PPARGC1A: variants seen among roughly 807,000 people sequenced by gnomAD.
PPARGC1A encodes peroxisome proliferator-activated receptor gamma coactivator 1-alpha.
PPARGC1A carries 25 observed loss-of-function variants against 88.7 expected under a neutral mutation model. The observed-to-expected ratio is 0.28, with a 90% confidence interval of 0.21 to 0.39. The LOEUF (loss-of-function observed/expected upper bound fraction) is 0.39, where lower values mean the gene tolerates loss of function less well. PPARGC1A is among the 10% of genes least tolerant of loss of function. PPARGC1A has a pLI of 1.00. For synonymous variants in PPARGC1A, 363 were observed against 355.6 expected, an observed-to-expected ratio of 1.02 and a Z score of -0.24; for missense variants, 880 against 968.7, an observed-to-expected ratio of 0.91 and a Z score of 1.22.
At chr4:24,140,088 C>T in the PPARGC1A span, among the ~76,000 whole-genome samples, 1 of 152,118 alleles carries the variant, frequency 6.6e-6, no homozygotes, top group Non-Finnish European at 1.5e-5. Flanking sequence ...GAGGGTTGCT[C>T]GGTCGAGAGC....
At chr4:23,897,228 TAAG>T (rs999753843) in intron 1 of PPARGC1A, among the ~76,000 whole-genome samples, 1 of 152,200 alleles carries the variant, frequency 6.6e-6, no homozygotes, top group Non-Finnish European at 1.5e-5. Context: ...AGAATATTTG[TAAG>T]AAGAGGAGTA....
chr4:24,020,751 A>C, the PPARGC1A span, among the ~76,000 whole-genome samples: 1 of 152,088 alleles, frequency 6.6e-6, no homozygotes, highest in Non-Finnish European at 1.5e-5. Context: ...TCCGGAGCTC[A>C]ATTTCTCACA....
the PPARGC1A span, among the ~76,000 whole-genome samples, chr4:24,286,207 T>C: frequency 6.6e-6 from 1 of 151,810 alleles, no homozygotes; most frequent in African/African-American, 2.4e-5. Context: ...GAGAACAAAA[T>C]AGAGTCTTAA....
At chr4:24,363,200 C>T in the PPARGC1A span, among the ~76,000 whole-genome samples, 3 of 152,114 alleles carry the variant, frequency 2.0e-5, no homozygotes, top group South Asian at 2.1e-4. Context: ...GTATTTGTTC[C>T]GGTTATAGAA....
At chr4:23,855,288 A>G (rs922483357) in intron 2 of PPARGC1A, among the ~76,000 whole-genome samples, 1 of 152,098 alleles carries the variant, frequency 6.6e-6, no homozygotes, top group African/African-American at 2.4e-5. Context: ...TAATATACCC[A>G]TGCAACCCCT....
chr4:24,437,733 G>A, the PPARGC1A span, among the ~76,000 whole-genome samples: 45 of 151,732 alleles, frequency 3.0e-4, no homozygotes, highest in East Asian at 5.8e-4. Flanking sequence ...GCAATGGTGC[G>A]ATCTCAGCTC....
chr4:23,978,671 G>A, the PPARGC1A span, among the ~76,000 whole-genome samples: 29 of 152,226 alleles, frequency 1.9e-4, no homozygotes, highest in South Asian at 2.1e-3. Context: ...TTCATTTCTG[G>A]GGAATTACAG....
chr4:24,163,859 G>A, the PPARGC1A span, among the ~76,000 whole-genome samples: 1 of 152,078 alleles, frequency 6.6e-6, no homozygotes, highest in African/African-American at 2.4e-5. Context: ...CAGCCCATAG[G>A]GAGCTTTTTC....
chr4:24,089,505 C>CTTTTTTTTTT, the PPARGC1A span, among the ~76,000 whole-genome samples: 1 of 73,806 alleles, frequency 1.4e-5, no homozygotes, highest in African/African-American at 4.8e-5. Flanking sequence ...CTTTTCTTTT[C>CTTTTTTTTTT]TTTTCTTTCT....
chr4:23,965,347 C>A, the PPARGC1A span, among the ~76,000 whole-genome samples: 323 of 152,292 alleles, frequency 2.1e-3, 1 homozygote, highest in African/African-American at 7.5e-3. Flanking sequence ...CATTTCTATA[C>A]CACTAATGCT....
At chr4:24,009,129 T>A in the PPARGC1A span, among the ~76,000 whole-genome samples, 1 of 4,956 alleles carries the variant, frequency 2.0e-4, no homozygotes, top group African/African-American at 4.5e-3. Context: ...TGTCCCGCAG[T>A]CTATAAAAAA....
the PPARGC1A span, among the ~76,000 whole-genome samples, chr4:24,018,768 CTTT>C: frequency 6.6e-6 from 1 of 151,366 alleles, no homozygotes; most frequent in Non-Finnish European, 1.5e-5. Flanking sequence ...CACTTTCACT[CTTT>C]TTTTTTTCAC....
chr4:24,002,470 C>T, the PPARGC1A span, among the ~76,000 whole-genome samples: 1 of 152,270 alleles, frequency 6.6e-6, no homozygotes, highest in Non-Finnish European at 1.5e-5. Flanking sequence ...TGACTCATTA[C>T]TTCTAGGGAA....
upstream of PPARGC1A, among the ~76,000 whole-genome samples, chr4:23,893,626 T>C (rs13124600): frequency 6.4e-4 from 97 of 152,278 alleles, no homozygotes; most frequent in Middle Eastern, 3.4e-3. Context: ...ATTGACAGTT[T>C]ATCATTACTG....
At chr4:24,320,771 G>C in the PPARGC1A span, among the ~76,000 whole-genome samples, 1 of 152,110 alleles carries the variant, frequency 6.6e-6, no homozygotes, top group Non-Finnish European at 1.5e-5. Flanking sequence ...TTACAGATTC[G>C]ATTCACGAGA....
At chr4:24,130,344 G>A in the PPARGC1A span, among the ~76,000 whole-genome samples, 1 of 152,122 alleles carries the variant, frequency 6.6e-6, no homozygotes, top group Non-Finnish European at 1.5e-5. Flanking sequence ...CGGTTAGAAA[G>A]TGGAGAAGTC....
At chr4:24,281,239 T>C in the PPARGC1A span, among the ~76,000 whole-genome samples, 3 of 152,222 alleles carry the variant, frequency 2.0e-5, no homozygotes, top group Admixed American at 6.5e-5. Flanking sequence ...TGTGTTGCTA[T>C]GTAGGAATAC....
chr4:24,005,658 C>T, the PPARGC1A span, among the ~76,000 whole-genome samples: 66 of 151,914 alleles, frequency 4.3e-4, no homozygotes, highest in African/African-American at 1.3e-3. Context: ...CCAAGGCCAA[C>T]GGAAAGGATT....
the PPARGC1A span, among the ~76,000 whole-genome samples, chr4:24,469,909 G>A: frequency 6.6e-6 from 1 of 152,090 alleles, no homozygotes; most frequent in African/African-American, 2.4e-5. Flanking sequence ...TGCCTGTCTT[G>A]TGAAATCCAG....
Sources: allele counts gnomAD v4.1 joint callset (sites outside exome capture counted in the v4.1 genomes callset), GRCh38; gene constraint gnomAD v4.1.1; transcripts MANE v1.5; gene names NCBI Gene and HGNC (gene_info 2026-07-23, HGNC 2026-07-21).